SHPRH: variants seen among roughly 807,000 people sequenced by gnomAD.
The protein encoded by SHPRH is E3 ubiquitin-protein ligase SHPRH.
In SHPRH, 106 loss-of-function variants were observed where a neutral mutation model predicts 202.5. That is an observed-to-expected ratio of 0.52 (90% CI 0.45 to 0.62). The LOEUF (loss-of-function observed/expected upper bound fraction) is 0.62, where lower values mean the gene tolerates loss of function less well. Among genes scored for constraint, SHPRH ranks in the 20% least tolerant of loss-of-function variants. SHPRH has a pLI of 0.00. For missense variants in SHPRH, 1,710 were observed against 2,020.0 expected, an observed-to-expected ratio of 0.85 and a Z score of 2.94; for synonymous variants, 729 against 686.0, an observed-to-expected ratio of 1.06 and a Z score of -0.98.
chr6:145,905,486 T>C (rs750671493), intron 25 of SHPRH: 1 of 152,072 alleles, frequency 6.6e-6, no homozygotes, highest in Non-Finnish European at 1.5e-5. Context: ...CCAAAACCCC[T>C]GTGGATACCA....
At chr6:145,862,472 AAG>A (rs1466308576), downstream of SHPRH, among the ~76,000 whole-genome samples, 1 of 151,832 alleles carries the variant, frequency 6.6e-6, no homozygotes, top group Non-Finnish European at 1.5e-5. Flanking sequence ...AAAAAACAAA[AAG>A]AAAAAACAAA....
At chr6:145,955,453 C>T (rs1788410941) in intron 1 of SHPRH, 99 bp from the exon 2 acceptor site, 8 of 1,187,122 alleles carry the variant, frequency 6.7e-6, no homozygotes, top group South Asian at 3.3e-5. Context: ...AGCCCATAAA[C>T]ATAATATGAA....
chr6:145,918,679 A>G (rs1419250312), intron 22 of SHPRH: 1 of 152,596 alleles, frequency 6.6e-6, no homozygotes, highest in Non-Finnish European at 1.5e-5. Context: ...AAACAAGACG[A>G]ATTTATTTTC....
intron 2 of SHPRH, among the ~76,000 whole-genome samples, chr6:145,879,387 T>C (rs1583274023): frequency 6.6e-6 from 1 of 152,146 alleles, no homozygotes; most frequent in Non-Finnish European, 1.5e-5. Flanking sequence ...ACACCATATA[T>C]TTTGGGAGAA....
intron 1 of SHPRH, among the ~76,000 whole-genome samples, chr6:145,956,501 A>T (rs1788527272): frequency 6.6e-6 from 1 of 152,140 alleles, no homozygotes; most frequent in African/African-American, 2.4e-5. Flanking sequence ...AAAAAGATCA[A>T]CAAAAGCCAA....
chr6:145,952,413 T>C lies in SHPRH; in HGVS notation c.699A>G (p.Arg233=), dbSNP rs1402599914. The C allele has an allele frequency of 6.2e-7, 1 of 1,611,266 alleles. No individual in the cohort carries two copies. The highest frequency in any genetic ancestry group is 8.5e-7 in the Non-Finnish European group (1 of 1,178,442). ...KLDFLSDANS[R]MKKFNQLMKK... is the part of the protein sequence containing the mutation. ...TCATGAGCTGATTGAACTTTTTCAT[T>C]CTTGAATTTGCATCACTCAAGAAGT... The change falls in exon 3 of 30, where the codon AGA becomes AGG. Residue 233 remains arginine (R), a synonymous_variant. Transcript: ENST00000275233.
At chr6:145,904,961 A>T (rs992930502) in intron 25 of SHPRH, 2 of 152,054 alleles carry the variant, frequency 1.3e-5, no homozygotes, top group Non-Finnish European at 2.9e-5. Flanking sequence ...GCCAATCTCT[A>T]TCCTGGGTGT....
chr6:145,918,281 T>A, intron 22 of SHPRH, 49 bp from the exon 23 acceptor site: 1 of 1,119,516 alleles, frequency 8.9e-7, no homozygotes, highest in Non-Finnish European at 1.2e-6. Flanking sequence ...GAAAGACAGT[T>A]AAATTATATT....
At chr6:145,888,223 AG>A (rs1781263736) in intron 28 of SHPRH, 123 bp from the exon 29 acceptor site, 1 of 642,866 alleles carries the variant, frequency 1.6e-6, no homozygotes. Context: ...AGGTGCTGGG[AG>A]GGGTTCAGCA....
At chr6:145,923,873 CAAAG>C in intron 17 of SHPRH, 88 bp from the exon 18 acceptor site, 4 of 1,318,270 alleles carry the variant, frequency 3.0e-6, no homozygotes, top group Non-Finnish European at 4.1e-6. Flanking sequence ...TGCCAAAATT[CAAAG>C]AAAGTAATAA....
At chr6:145,917,809 T>C (rs1784085880) in intron 23 of SHPRH, 3 of 192,354 alleles carry the variant, frequency 1.6e-5, no homozygotes, top group Non-Finnish European at 3.1e-5. Context: ...GATGAATGAA[T>C]GCATGTGTAT....
chr6:145,933,870 T>C (rs534139718), intron 13 of SHPRH, among the ~76,000 whole-genome samples: 1 of 152,346 alleles, frequency 6.6e-6, no homozygotes, highest in Admixed American at 6.5e-5. Flanking sequence ...AATTTCTTAA[T>C]GTTCTCAGAA....
chr6:145,892,986 G>A (rs1290921078), intron 28 of SHPRH, among the ~76,000 whole-genome samples: 3 of 151,826 alleles, frequency 2.0e-5, no homozygotes, highest in Admixed American at 2.0e-4. Flanking sequence ...GACAATTTGG[G>A]GGTTTGCTTC....
intron 24 of SHPRH, among the ~76,000 whole-genome samples, chr6:145,912,947 G>C (rs1294133011): frequency 1.3e-5 from 2 of 151,968 alleles, no homozygotes; most frequent in Non-Finnish European, 2.9e-5. Flanking sequence ...CATGTTTATA[G>C]ACATTATGTA....
chr6:145,952,693 G>T (rs1295042469), intron 2 of SHPRH, among the ~76,000 whole-genome samples: 2 of 151,940 alleles, frequency 1.3e-5, no homozygotes, highest in African/African-American at 4.8e-5. Flanking sequence ...AATTCGAGTT[G>T]CTGGAAAAAA....
chr6:145,859,335 T>C (rs1245097258), downstream of SHPRH, among the ~76,000 whole-genome samples: 1 of 152,064 alleles, frequency 6.6e-6, no homozygotes, highest in African/African-American at 2.4e-5. Context: ...TGTTAAACTG[T>C]TCAAATGTTC....
chr6:145,935,918 C>T (rs1317462680), intron 11 of SHPRH: 1 of 152,840 alleles, frequency 6.5e-6, no homozygotes, highest in Non-Finnish European at 1.5e-5. Flanking sequence ...AGAAAAGAAG[C>T]CTAAGAGAGT....
At chr6:145,906,238 G>C (rs1396661631) in intron 25 of SHPRH, 1 of 151,918 alleles carries the variant, frequency 6.6e-6, no homozygotes, top group Non-Finnish European at 1.5e-5. Flanking sequence ...AAAGAACTTT[G>C]GTGCCTAATT....
At chr6:145,899,601 T>C (rs1255856579) in intron 25 of SHPRH, among the ~76,000 whole-genome samples, 2 of 152,104 alleles carry the variant, frequency 1.3e-5, no homozygotes, top group East Asian at 1.9e-4. Context: ...ACAATGATCT[T>C]GGTAAAGACT....
Sources: gnomAD v4.1 joint callset for allele counts (sites outside exome capture counted in the v4.1 genomes callset) on GRCh38, gnomAD v4.1.1 for gene constraint, MANE v1.5 for transcripts, NCBI Gene and HGNC (gene_info 2026-07-23, HGNC 2026-07-21) for gene names.